Variants in ABCB1 observed in about 807,000 individuals in gnomAD.
ABCB1 encodes ATP binding cassette subfamily B member 1, also known as ATP-dependent translocase ABCB1.
Under a neutral mutation model 142.0 loss-of-function variants are expected in ABCB1, and 69 were observed. The observed-to-expected ratio is 0.49, with a 90% confidence interval of 0.40 to 0.59. The LOEUF (loss-of-function observed/expected upper bound fraction) is 0.59. Among genes scored for constraint, ABCB1 ranks in the 20% least tolerant of loss-of-function variants. The probability of loss-of-function intolerance (pLI) is 0.00; values close to 1 mark genes in which losing one functional copy is unlikely to be tolerated. For missense variants in ABCB1, 1,326 were observed against 1,554.7 expected, an observed-to-expected ratio of 0.85 and a Z score of 2.47; for synonymous variants, 532 against 539.2, an observed-to-expected ratio of 0.99 and a Z score of 0.18.
chr7:87,597,182 TCTGAGATA>T (rs1374696322), intron 2 of ABCB1, among the ~76,000 whole-genome samples: 18 of 152,166 alleles, frequency 1.2e-4, no homozygotes, highest in Middle Eastern at 3.4e-3. Context: ...ACCTCAGATT[TCTGAGATA>T]CTGCATCGCA....
chr7:87,570,039 T>A, intron 5 of ABCB1, 133 bp downstream of exon 5: 1 of 808,200 alleles, frequency 1.2e-6, no homozygotes, highest in Non-Finnish European at 2.1e-6. Context: ...AAAGTCTACA[T>A]ATACTCTTCT....
At chr7:87,567,050 T>C (rs1434837175) in intron 5 of ABCB1, 74 bp from the exon 6 acceptor site, 7 of 1,402,614 alleles carry the variant, frequency 5.0e-6, no homozygotes, top group Admixed American at 3.5e-5. Context: ...AGACCACTCA[T>C]TCCTATTTTT....
At chr7:87,712,709 G>A (rs1178394708) in intron 1 of ABCB1, among the ~76,000 whole-genome samples, 3 of 151,914 alleles carry the variant, frequency 2.0e-5, no homozygotes, top group Admixed American at 2.0e-4. Context: ...TTCATAGAAA[G>A]GAAATGATTC....
At chr7:87,660,186 A>G (rs1398872247) in intron 1 of ABCB1, among the ~76,000 whole-genome samples, 1 of 151,816 alleles carries the variant, frequency 6.6e-6, no homozygotes, top group Non-Finnish European at 1.5e-5. Flanking sequence ...ATGGTCTATT[A>G]GGTAGCAGTT....
intron 8 of ABCB1, among the ~76,000 whole-genome samples, chr7:87,559,707 C>G (rs1457386890): frequency 6.6e-6 from 1 of 152,110 alleles, no homozygotes; most frequent in Non-Finnish European, 1.5e-5. Flanking sequence ...GTGAAATCCT[C>G]AGCTTTGGAG....
intron 8 of ABCB1, among the ~76,000 whole-genome samples, chr7:87,559,588 T>C (rs28381870): frequency 5.8e-4 from 89 of 152,286 alleles, no homozygotes; most frequent in African/African-American, 1.9e-3. Flanking sequence ...ATATTTTATT[T>C]TTCTTTCCCT....
At chr7:87,521,601 G>A in intron 21 of ABCB1, 1 of 762,116 alleles carries the variant, frequency 1.3e-6, no homozygotes, top group South Asian at 1.3e-5. Context: ...GCGTGGTAAT[G>A]AGAGATCCAA....
At chr7:87,665,617 G>T (rs961985436) in intron 1 of ABCB1, among the ~76,000 whole-genome samples, 1 of 151,964 alleles carries the variant, frequency 6.6e-6, no homozygotes, top group African/African-American at 2.4e-5. Flanking sequence ...ATGGGGTTTG[G>T]TGTACAATTA....
In ABCB1 at chr7:87,566,359, G is replaced by C. The variant is rs1430932641; in HGVS notation, c.531-118C>G. The C allele has an allele frequency of 5.7e-6, 6 of 1,051,402 alleles. No homozygotes were observed. In the African/African-American group the frequency reaches 6.3e-5, roughly 11 times the overall value. The allele number at this position is 1,051,402 out of a possible 1,614,324, so 65.1% of individuals were successfully genotyped here. ...CTAGAGTATTTTGTGCCTATGCTTT[G>C]TTTTATTTAGCAGGGTAGAAGTTTC... On this transcript the variant is annotated intron_variant, in intron 6 of 27. Coordinates refer to ENST00000622132, the MANE Select transcript of ABCB1 (RefSeq NM_001348946.2).
rs1350782896 is a variant in ABCB1 at position 87,503,325 on chromosome 7, AT to A, written c.*917del. Among the ~76,000 whole-genome samples, 1 of 151,824 alleles carries A rather than the reference AT, an allele frequency of 6.6e-6. No homozygotes were observed. The highest frequency in any genetic ancestry group is 1.5e-5 in the Non-Finnish European group (1 of 67,920). Reference sequence around the variant, plus strand: ...TCCAGAGTCCCAACCTTTGGAATATATTTTTTTCTTTTTTTATCATGTTTGT... The same window carrying A: ...TCCAGAGTCCCAACCTTTGGAATATATTTTTTCTTTTTTTATCATGTTTGT... On this transcript the variant is annotated 3_prime_UTR_variant, in exon 28 of 28. Transcript: ENST00000622132.
chr7:87,607,883 G>C (rs1438336521), intron 1 of ABCB1, among the ~76,000 whole-genome samples: 1 of 152,124 alleles, frequency 6.6e-6, no homozygotes, highest in Non-Finnish European at 1.5e-5. Flanking sequence ...AAAACGATTA[G>C]GATAATTTTA....
intron 1 of ABCB1, among the ~76,000 whole-genome samples, chr7:87,620,529 A>C (rs983559733): frequency 2.0e-5 from 3 of 152,192 alleles, no homozygotes; most frequent in African/African-American, 7.2e-5. Flanking sequence ...AATCCGTTGC[A>C]TGAGATAATT....
At chr7:87,515,146 A>G (rs887851859) in intron 25 of ABCB1, 85 bp downstream of exon 25, 1 of 1,526,044 alleles carries the variant, frequency 6.6e-7, no homozygotes, top group African/African-American at 1.4e-5. Context: ...GTTTGAAAAA[A>G]CATGGCTTAT....
chr7:87,628,584 C>CGTGT (rs71117546), intron 1 of ABCB1: 4,586 of 290,292 alleles, frequency 0.016, 43 homozygotes, highest in African/African-American at 0.028. Flanking sequence ...TGCGTGCGTG[C>CGTGT]GTGTGTGTGT....
At chr7:87,604,413 A>G (rs1819573387), upstream of ABCB1, among the ~76,000 whole-genome samples, 1 of 151,640 alleles carries the variant, frequency 6.6e-6, no homozygotes, top group Admixed American at 6.6e-5. Flanking sequence ...CACTTGTGTT[A>G]ACAATAATAA....
chr7:87,571,450 G>C (rs1054787335), intron 4 of ABCB1, among the ~76,000 whole-genome samples: 1 of 152,156 alleles, frequency 6.6e-6, no homozygotes, highest in African/African-American at 2.4e-5. Context: ...GAGAGACTAA[G>C]GGACTTCAGC....
chr7:87,629,319 T>A (rs1820965446), intron 1 of ABCB1: 1 of 184,818 alleles, frequency 5.4e-6, no homozygotes, highest in South Asian at 2.0e-4. Flanking sequence ...GTAGTTACTG[T>A]GATTGTTTAC....
chr7:87,628,850 G>A, intron 1 of ABCB1: 1 of 1,271,022 alleles, frequency 7.9e-7, no homozygotes, highest in Non-Finnish European at 1.0e-6. Context: ...TGGGGGGCCT[G>A]AGCGGGATCC....
chr7:87,582,900 G>T (rs1266114495), intron 4 of ABCB1, among the ~76,000 whole-genome samples: 1 of 152,066 alleles, frequency 6.6e-6, no homozygotes, highest in African/African-American at 2.4e-5. Context: ...AATTAGCCCA[G>T]GGGTCATAGT....
Sources: gnomAD v4.1 joint callset for allele counts (sites outside exome capture counted in the v4.1 genomes callset) on GRCh38, gnomAD v4.1.1 for gene constraint, MANE v1.5 for transcripts, NCBI Gene and HGNC (gene_info 2026-07-23, HGNC 2026-07-21) for gene names.